CORO2A: variants seen among roughly 807,000 people sequenced by gnomAD.
The protein encoded by CORO2A is coronin-2A.
Under a neutral mutation model 62.4 loss-of-function variants are expected in CORO2A, and 47 were observed. The ratio of observed to expected loss-of-function variants is 0.75; its 90% CI spans 0.60 to 0.96. The LOEUF is 0.96. CORO2A is among the 40% of genes least tolerant of loss of function. The probability of loss-of-function intolerance (pLI) is 0.00; values close to 1 mark genes in which losing one functional copy is unlikely to be tolerated. For synonymous variants in CORO2A, 273 were observed against 268.9 expected (o/e 1.02, Z -0.15); for missense variants, 610 against 684.1 (o/e 0.89, Z 1.21).
intron 2 of CORO2A, among the ~76,000 whole-genome samples, chr9:98,157,060 C>G (rs1827814535): frequency 6.6e-6 from 1 of 152,176 alleles, no homozygotes; most frequent in Admixed American, 6.5e-5. Flanking sequence ...GTTCTTCCTG[C>G]TTGCTTACTG....
chr9:98,149,856 A>G (rs918121498), intron 2 of CORO2A, among the ~76,000 whole-genome samples: 2 of 152,032 alleles, frequency 1.3e-5, no homozygotes, highest in African/African-American at 4.8e-5. Context: ...TATTTATTAT[A>G]TTTCAAAAAG....
At position 98,124,780 on chromosome 9, in the gene CORO2A, C is replaced by T. The variant is rs769534600; in HGVS notation, c.1572G>A (p.Gln524=). Residue 524 remains glutamine (Q), a synonymous_variant, in exon 12 of 12, where the codon CAG becomes CAA. Transcript: ENST00000375077. ...EIKNLRMGSE[Q]L is the part of the protein sequence containing the mutation. The stretch of plus-strand genomic sequence containing the variant: ...GGAGGGCAGAGGTCTCTGCTCAGAG[C>T]TGCTCTGAGCCCATCCGCAAGTTTT... The T allele has an allele frequency of 2.5e-6, 4 of 1,611,066 alleles. No homozygotes were observed. Among genetic ancestry groups the T allele is most frequent in the Admixed American group, 1.7e-5 (1 of 59,826 alleles).
In CORO2A at chr9:98,121,095, A is replaced by C. The variant is rs1193575195; in HGVS notation, c.*3679T>G. On this transcript the variant is annotated 3_prime_UTR_variant, in exon 12 of 12. Transcript: ENST00000375077. Reference sequence around the variant, plus strand: ...TTTTCACAAAGGTACAAGGAATTTCAGAAACAACATTAAAACAATCATTCA... The same window carrying C: ...TTTTCACAAAGGTACAAGGAATTTCCGAAACAACATTAAAACAATCATTCA... 6.6e-6 allele frequency: 1 copy of C among 152,242 alleles called. No individual in the cohort carries two copies. Among genetic ancestry groups the C allele is most frequent in the Admixed American group, 6.5e-5 (1 of 15,280 alleles). The allele number at this position is 152,242 out of a possible 1,614,324, so 9.4% of individuals were successfully genotyped here. A position where few individuals can be genotyped will look rare whatever the true frequency, so the allele number is the denominator to read the frequency against.
chr9:98,143,539 G>A (rs1398463781), intron 2 of CORO2A, among the ~76,000 whole-genome samples: 6 of 152,082 alleles, frequency 3.9e-5, no homozygotes, highest in Non-Finnish European at 7.4e-5. Flanking sequence ...TGCAGCCTTG[G>A]GCAAGTGACC....
chr9:98,134,931 G>A lies in CORO2A; in HGVS notation c.343C>T (p.Gln115Ter), dbSNP rs1312553447. 2 of 1,614,038 alleles carry A rather than the reference G, an allele frequency of 1.2e-6. No individual in the cohort carries two copies. The highest frequency in any genetic ancestry group is 2.7e-5 in the African/African-American group (2 of 74,936). Residue 115 changes from glutamine to a stop codon, truncating the protein, a stop_gained, in exon 4 of 12, where the codon CAG (glutamine) becomes TAG (stop). Transcript: ENST00000375077. LOFTEE classifies it high-confidence loss of function. The stretch of plus-strand genomic sequence containing the variant: ...GCCGTGAGGTTCCTGGTCAGCAGCT[G>A]CTTGGGGATGCTCCAGATCTTAATC... ...ATIKIWSIPK[Q>*]LLTRNLTAYR...
At chr9:98,156,697 T>C (rs1240414115) in intron 2 of CORO2A, among the ~76,000 whole-genome samples, 1 of 152,226 alleles carries the variant, frequency 6.6e-6, no homozygotes, top group Non-Finnish European at 1.5e-5. Flanking sequence ...GTCTGCTATT[T>C]GTGTTTCAGC....
At chr9:98,178,079 C>T (rs925205019) in intron 1 of CORO2A, among the ~76,000 whole-genome samples, 1 of 151,974 alleles carries the variant, frequency 6.6e-6, no homozygotes, top group Non-Finnish European at 1.5e-5. Flanking sequence ...CAGAGTCTCG[C>T]TCTGTCGCCT....
chr9:98,153,954 TG>T lies in CORO2A; in HGVS notation c.201+3505del, dbSNP rs559977593. 2.6e-5 allele frequency among the ~76,000 whole-genome samples: 4 copies of T among 152,312 alleles called. No homozygotes were observed. The South Asian group carries it at 6.2e-4, about 24-fold the overall frequency. The stretch of plus-strand genomic sequence containing the variant: ...AACACTTTTTCTCCATCTATGGACA[TG>T]ATCATATGGTTTTTCCTCTTTCACT... On this transcript the variant is annotated intron_variant, in intron 2 of 11. Transcript: ENST00000375077.
intron 1 of CORO2A, among the ~76,000 whole-genome samples, chr9:98,191,085 G>A (rs1314235789): frequency 6.6e-6 from 1 of 152,226 alleles, no homozygotes; most frequent in East Asian, 1.9e-4. Context: ...AAATCCCTGG[G>A]TGCAGGGCAG....
chr9:98,184,851 G>C (rs1402344501), intron 1 of CORO2A, among the ~76,000 whole-genome samples: 1 of 152,122 alleles, frequency 6.6e-6, no homozygotes, highest in Non-Finnish European at 1.5e-5. Flanking sequence ...CCAGATGCTG[G>C]CCTGATATTT....
intron 10 of CORO2A, 50 bp from the exon 11 acceptor site, chr9:98,126,873 G>A (rs1668021058): frequency 6.3e-7 from 1 of 1,594,736 alleles, no homozygotes; most frequent in Non-Finnish European, 8.6e-7. Context: ...CGGGAAGATG[G>A]GCATATGGGG....
rs574951036 is a variant in CORO2A at position 98,157,074 on chromosome 9, G to A, written c.201+386C>T. On this transcript the variant is annotated intron_variant, in intron 2 of 11. Coordinates refer to ENST00000375077, the MANE Select transcript of CORO2A (RefSeq NM_052820.4). ...TGTTCTTCCTGCTTGCTTACTGTTTGCCTCTCCTAGCTAGTTTTGACTCAA... is the reference window on the plus strand; with the variant it reads ...TGTTCTTCCTGCTTGCTTACTGTTTACCTCTCCTAGCTAGTTTTGACTCAA... 1.2e-4 allele frequency among the ~76,000 whole-genome samples: 19 copies of A among 152,238 alleles called. No homozygotes were observed. In the South Asian group the frequency reaches 3.9e-3, roughly 32 times the overall value.
chr9:98,127,016 G>A (rs1827331532), intron 10 of CORO2A, 193 bp from the exon 11 acceptor site: 2 of 629,106 alleles, frequency 3.2e-6, no homozygotes, highest in East Asian at 5.5e-5. Context: ...ATACCCACGT[G>A]TGCCACCCTC....
intron 1 of CORO2A, among the ~76,000 whole-genome samples, chr9:98,160,197 G>C (rs1048091177): frequency 2.0e-5 from 3 of 152,174 alleles, no homozygotes; most frequent in African/African-American, 7.2e-5. Flanking sequence ...GGGATGGACT[G>C]ACTAATTAAT....
rs999687443 is a variant in CORO2A, at chr9:98,128,374, T to C, written c.1081-114A>G. ...CCAACCCCTGCTGAATTGAGGAAAC[T>C]GAGGCCCAGAGAACAAAGGGACTTG... On this transcript the variant is annotated intron_variant, in intron 9 of 11. Transcript: ENST00000375077. 1.4e-5 allele frequency: 13 copies of C among 910,816 alleles called. No individual in the cohort carries two copies. In the African/African-American group the frequency reaches 2.0e-4, roughly 14 times the overall value. 56.4% of individuals were successfully genotyped at this position (910,816 alleles called of 1,614,324 possible). A position where few individuals can be genotyped will look rare whatever the true frequency, so the allele number is the denominator to read the frequency against.
At chr9:98,187,050 G>A (rs1049395087) in intron 1 of CORO2A, among the ~76,000 whole-genome samples, 2 of 151,922 alleles carry the variant, frequency 1.3e-5, no homozygotes, top group African/African-American at 2.4e-5. Flanking sequence ...GAGGCTGAGG[G>A]GGGCAGATCA....
chr9:98,167,316 GAA>G (rs1163590423), intron 1 of CORO2A, among the ~76,000 whole-genome samples: 1 of 152,102 alleles, frequency 6.6e-6, no homozygotes, highest in African/African-American at 2.4e-5. Flanking sequence ...AGGGAGGAAT[GAA>G]AAGTTATTGT....
At chr9:98,131,826 C>T (rs185519434) in intron 6 of CORO2A, among the ~76,000 whole-genome samples, 82 of 152,246 alleles carry the variant, frequency 5.4e-4, no homozygotes, top group African/African-American at 1.9e-3. Context: ...CCAATGAAAG[C>T]TCCTTCTCCC....
chr9:98,190,991 C>A (rs1327021383), intron 1 of CORO2A, among the ~76,000 whole-genome samples: 1 of 152,244 alleles, frequency 6.6e-6, no homozygotes, highest in Admixed American at 6.5e-5. Context: ...AGGTAGCTCA[C>A]CCCCAGGTTC....
Sources: allele counts gnomAD v4.1 joint callset (sites outside exome capture counted in the v4.1 genomes callset), GRCh38; gene constraint gnomAD v4.1.1; transcripts MANE v1.5; gene names NCBI Gene and HGNC (gene_info 2026-07-23, HGNC 2026-07-21).